ABCC11: variants seen among roughly 807,000 people sequenced by gnomAD.
The protein encoded by ABCC11 is ATP-binding cassette sub-family C member 11.
Under a neutral mutation model 149.3 loss-of-function variants are expected in ABCC11, and 135 were observed. The ratio of observed to expected loss-of-function variants is 0.90; its 90% confidence interval spans 0.79 to 1.04. The LOEUF is 1.04. ABCC11 is among the 50% of genes least tolerant of loss of function. ABCC11 has a pLI of 0.00. For synonymous variants in ABCC11, 665 were observed against 671.4 expected, an observed-to-expected ratio of 0.99 and a Z score of 0.15; for missense variants, 1,680 against 1,722.1, an observed-to-expected ratio of 0.98 and a Z score of 0.43.
chr16:48,192,673 G>A lies in ABCC11; in HGVS notation c.2553C>T (p.Gly851=), dbSNP rs772644514. 2.5e-6 allele frequency: 4 copies of A among 1,614,184 alleles called. No homozygotes were observed. Among genetic ancestry groups the A allele is most frequent in the Admixed American group, 1.7e-5 (1 of 60,022 alleles). The change falls in exon 20 of 30, where the codon GGC becomes GGT. Residue 851 remains glycine (G), a synonymous_variant. Coordinates refer to ENST00000356608, the MANE Select transcript of ABCC11 (RefSeq NM_001370497.1). The part of the protein sequence containing the change: ...RESNGTMADL[G]NIADNPQLSF... ...ACAGTTGAGGATTGTCTGCAATGTT[G>A]CCCAGGTCTGCCATGGTTCCATTGC...
chr16:48,183,045 T>C (rs904853877), intron 23 of ABCC11, among the ~76,000 whole-genome samples: 1 of 152,276 alleles, frequency 6.6e-6, no homozygotes, highest in Non-Finnish European at 1.5e-5. Flanking sequence ...TTATTGTTCC[T>C]GTCTTACAAA....
At chr16:48,241,082 G>A (rs991748700) in intron 1 of ABCC11, among the ~76,000 whole-genome samples, 6 of 152,068 alleles carry the variant, frequency 3.9e-5, no homozygotes, top group African/African-American at 9.6e-5. Context: ...TTACAGGCAC[G>A]CACCACCACA....
rs749484060 is a variant in ABCC11, at chr16:48,227,948, G to C, written c.253C>G (p.Pro85Ala). 6.2e-7 allele frequency: 1 copy of C among 1,612,746 alleles called. No individual in the cohort carries two copies. Among genetic ancestry groups the C allele is most frequent in the Non-Finnish European group, 8.5e-7 (1 of 1,179,316 alleles). ...GAGAACAGGCCAGCATTGTCCAGGG[G>C]CTGGGGGGCAGGAAACCTAGTAGAG... ...RPKPRFPAPQPLDNAGLFSYL... is the reference protein window; with the variant it reads ...RPKPRFPAPQALDNAGLFSYL... Residue 85 changes from proline (P) to alanine (A), a missense_variant, in exon 4 of 30, where the codon CCC becomes GCC. Physicochemically the swap from Pro to Ala is conservative, Grantham distance 27. Transcript: ENST00000356608.
chr16:48,174,526 C>T lies in ABCC11; in HGVS notation c.3698+732G>A, dbSNP rs1347887542. Among the ~76,000 whole-genome samples the T allele has an allele frequency of 2.6e-5, 4 of 152,146 alleles. 1 individual carries two copies. The highest frequency in any genetic ancestry group is 2.6e-4 in the Admixed American group (4 of 15,282). ...AGCCTAATCTGGATAAAGCTTTGTC[C>T]CTGAGTTGACTTCTGAGGACACAGA... On this transcript the variant is annotated intron_variant, in intron 26 of 29. Coordinates refer to ENST00000356608, the MANE Select transcript of ABCC11 (RefSeq NM_001370497.1).
intron 26 of ABCC11, among the ~76,000 whole-genome samples, chr16:48,174,908 T>G (rs929738888): frequency 6.6e-6 from 1 of 152,178 alleles, no homozygotes; most frequent in Non-Finnish European, 1.5e-5. Flanking sequence ...ACAGTCATAG[T>G]GTACTACAGC....
chr16:48,214,952 T>A lies in ABCC11; in HGVS notation c.1177A>T (p.Ile393Phe). The A allele has an allele frequency of 1.2e-6, 2 of 1,614,164 alleles. No homozygotes were observed. The highest frequency in any genetic ancestry group is 1.7e-6 in the Non-Finnish European group (2 of 1,180,028). ...CAGACCGCTGTGGCCACTGTGGGGA[T>A]GATGAACAAGGTTATACTTGTCAGG... ...QSLTSITLFI[I>F]PTVATAVWVL... is the part of the protein sequence containing the mutation. Residue 393 changes from isoleucine to phenylalanine, a missense_variant, in exon 9 of 30, where the codon ATC becomes TTC. Transcript: ENST00000356608.
chr16:48,183,620 G>A (rs1048979558), intron 23 of ABCC11, among the ~76,000 whole-genome samples: 22 of 152,200 alleles, frequency 1.4e-4, no homozygotes, highest in African/African-American at 2.2e-4. Flanking sequence ...AAAATGAGCC[G>A]GGAATGGTGG....
At chr16:48,246,348 C>T (rs957475726) in intron 1 of ABCC11, among the ~76,000 whole-genome samples, 5 of 152,220 alleles carry the variant, frequency 3.3e-5, no homozygotes, top group African/African-American at 1.2e-4. Context: ...TCTGCTCCTT[C>T]TGCTTACTTT....
intron 18 of ABCC11, 126 bp downstream of exon 18, chr16:48,196,106 G>C: frequency 8.8e-6 from 8 of 907,814 alleles, no homozygotes; most frequent in Non-Finnish European, 1.3e-5. Context: ...TTGCAAGTTA[G>C]GCCAATAAAT....
intron 6 of ABCC11, among the ~76,000 whole-genome samples, chr16:48,220,929 G>T (rs1348806640): frequency 1.3e-5 from 2 of 152,202 alleles, no homozygotes; most frequent in Non-Finnish European, 2.9e-5. Flanking sequence ...AGCCAGATTT[G>T]TGCAAAAAGA....
chr16:48,222,640 C>A lies in ABCC11; in HGVS notation c.735G>T (p.Lys245Asn). The change falls in exon 6 of 30, where the codon AAG becomes AAT. Residue 245 changes from lysine (K) to asparagine (N), a missense_variant. Lys to Asn is a moderately conservative substitution (Grantham distance 94). Transcript: ENST00000356608. ...RAAVSSFAFEKLIQFKSVIHI... is the reference protein window; with the variant it reads ...RAAVSSFAFENLIQFKSVIHI... ...GTATTACAGACTTAAATTGGATGAG[C>A]TTCTCAAAGGCAAAGGAGGAAACAG... 1.2e-6 allele frequency: 2 copies of A among 1,614,158 alleles called. No homozygotes were observed. Among genetic ancestry groups the A allele is most frequent in the Non-Finnish European group, 1.7e-6 (2 of 1,180,028 alleles).
intron 5 of ABCC11, 44 bp from the exon 6 acceptor site, chr16:48,222,875 G>T: frequency 6.7e-7 from 1 of 1,501,084 alleles, no homozygotes; most frequent in Non-Finnish European, 9.2e-7. Flanking sequence ...CACCCTGCCA[G>T]ACACGTTTGA....
intron 6 of ABCC11, among the ~76,000 whole-genome samples, chr16:48,219,123 T>A (rs1969552072): frequency 2.0e-5 from 3 of 152,000 alleles, no homozygotes; most frequent in African/African-American, 4.8e-5. Flanking sequence ...CAATGTTTTT[T>A]ATGGGTACCT....
At position 48,222,695 on chromosome 16, in the gene ABCC11, T is replaced by C; in HGVS notation, c.680A>G (p.Asn227Ser). ...SLSFSSSWIINQRTAIRFRAA... is the reference protein window; with the variant it reads ...SLSFSSSWIISQRTAIRFRAA... ...TCGGAACCTGATGGCTGTGCGTTGG[T>C]TGATGATCCAACTGGAGGAGAAACT... is the stretch of plus-strand genomic sequence containing the variant. Residue 227 changes from asparagine (N) to serine (S), a missense_variant, in exon 6 of 30, where the codon AAC (asparagine) becomes AGC (serine). Transcript: ENST00000356608. 4 of 1,614,188 alleles carry C rather than the reference T, an allele frequency of 2.5e-6. No individual in the cohort carries two copies. The highest frequency in any genetic ancestry group is 1.1e-5 in the South Asian group (1 of 91,082).
intron 26 of ABCC11, 45 bp downstream of exon 26, chr16:48,175,213 C>A: frequency 1.3e-6 from 2 of 1,581,452 alleles, no homozygotes; most frequent in South Asian, 1.1e-5. Flanking sequence ...GAATCCTGGT[C>A]CTGTGACCCA....
At chr16:48,232,351 G>A (rs1341021128) in intron 1 of ABCC11, 1 of 154,546 alleles carries the variant, frequency 6.5e-6, no homozygotes, top group African/African-American at 2.4e-5. Context: ...TGAGCACAGG[G>A]ACATGTCTGC....
At chr16:48,225,382 G>A (rs150736375) in intron 4 of ABCC11, among the ~76,000 whole-genome samples, 1 of 152,294 alleles carries the variant, frequency 6.6e-6, no homozygotes, top group Non-Finnish European at 1.5e-5. Context: ...TAGAACTCTT[G>A]AGCTGCATTT....
chr16:48,187,167 C>T lies in ABCC11; in HGVS notation c.2933+34G>A, dbSNP rs1464847779. ...CTAGTCTGGGTTGGTCCCAGCCTTG[C>T]TCCCCAAGTCACAAGCAAAAAGAAC... On this transcript the variant is annotated intron_variant, in intron 21 of 29. Transcript: ENST00000356608. The T allele has an allele frequency of 4.3e-6, 7 of 1,613,192 alleles. No homozygotes were observed. The Middle Eastern group carries it at 6.6e-4, about 152-fold the overall frequency.
At chr16:48,239,040 G>C (rs556711081) in intron 1 of ABCC11, among the ~76,000 whole-genome samples, 1 of 150,630 alleles carries the variant, frequency 6.6e-6, no homozygotes, top group African/African-American at 2.4e-5. Context: ...AGATGGAACA[G>C]CTCTTTCTTA....
Sources: gnomAD v4.1 joint callset for allele counts (sites outside exome capture counted in the v4.1 genomes callset) on GRCh38, gnomAD v4.1.1 for gene constraint, MANE v1.5 for transcripts, NCBI Gene and HGNC (gene_info 2026-07-23, HGNC 2026-07-21) for gene names.